Variants in HMGCLL1 observed in about 807,000 individuals in gnomAD.
HMGCLL1 encodes 3-hydroxymethyl-3-methylglutaryl-CoA lyase, cytoplasmic.
Under a neutral mutation model 39.1 loss-of-function variants are expected in HMGCLL1, and 36 were observed. That is an observed-to-expected ratio of 0.92 (90% CI 0.71 to 1.22). The LOEUF (loss-of-function observed/expected upper bound fraction) is 1.22, where lower values mean the gene tolerates loss of function less well. Among genes scored for constraint, HMGCLL1 ranks in the 50% most tolerant of loss-of-function variants. HMGCLL1 has a pLI of 0.00. For synonymous variants in HMGCLL1, 149 were observed against 144.0 expected (o/e 1.03, Z -0.25); for missense variants, 451 against 416.5 (o/e 1.08, Z -0.72).
chr6:55,597,839 A>G, the HMGCLL1 span, among the ~76,000 whole-genome samples: 1 of 152,218 alleles, frequency 6.6e-6, no homozygotes, highest in South Asian at 2.1e-4. Flanking sequence ...TTTTTTTGAT[A>G]GACTTATTAG....
At chr6:55,601,633 G>A in the HMGCLL1 span, among the ~76,000 whole-genome samples, 63 of 152,116 alleles carry the variant, frequency 4.1e-4, no homozygotes, top group Admixed American at 3.5e-3. Flanking sequence ...TACCACACAA[G>A]GATTCAAGCT....
the HMGCLL1 span, among the ~76,000 whole-genome samples, chr6:55,636,363 GA>G: frequency 4.6e-5 from 7 of 152,104 alleles, no homozygotes; most frequent in Admixed American, 4.6e-4. Flanking sequence ...AGGTTAATAT[GA>G]AAAATGAGTA....
chr6:55,486,175 A>G (rs1312479058), intron 7 of HMGCLL1, among the ~76,000 whole-genome samples: 2 of 150,622 alleles, frequency 1.3e-5, no homozygotes, highest in Non-Finnish European at 3.0e-5. Context: ...CTAATTTAAC[A>G]TGTTTCCTCT....
the HMGCLL1 span, among the ~76,000 whole-genome samples, chr6:55,655,474 T>C: frequency 6.6e-6 from 1 of 151,796 alleles, no homozygotes; most frequent in Non-Finnish European, 1.5e-5. Flanking sequence ...TATGTTGCAG[T>C]GTTTCTTTAC....
At chr6:55,664,290 T>A in the HMGCLL1 span, among the ~76,000 whole-genome samples, 1 of 151,752 alleles carries the variant, frequency 6.6e-6, no homozygotes, top group African/African-American at 2.4e-5. Context: ...TTTAAGTATG[T>A]TTCTGTATTG....
chr6:55,519,760 A>G (rs1302539496), intron 3 of HMGCLL1, among the ~76,000 whole-genome samples: 3 of 152,126 alleles, frequency 2.0e-5, no homozygotes, highest in Admixed American at 1.3e-4. Context: ...CATGATAACA[A>G]AAGTTAATAA....
chr6:55,510,653 AG>A (rs1299325205), intron 5 of HMGCLL1, among the ~76,000 whole-genome samples: 6 of 67,998 alleles, frequency 8.8e-5, no homozygotes, highest in Admixed American at 6.9e-4. Context: ...GGGTGGGGGG[AG>A]GGGGGAGGGA....
chr6:55,604,493 C>T, the HMGCLL1 span, among the ~76,000 whole-genome samples: 8,522 of 151,990 alleles, frequency 0.056, 413 homozygotes, highest in Non-Finnish European at 0.079. Context: ...ACATTTTAAA[C>T]GCTGCATTTA....
the HMGCLL1 span, among the ~76,000 whole-genome samples, chr6:55,596,451 G>C: frequency 6.6e-6 from 1 of 152,220 alleles, no homozygotes; most frequent in African/African-American, 2.4e-5. Context: ...AAAGCCTGCA[G>C]ACAGATGGTT....
chr6:55,485,243 C>A (rs1186089833), intron 7 of HMGCLL1, among the ~76,000 whole-genome samples: 2 of 152,082 alleles, frequency 1.3e-5, no homozygotes, highest in African/African-American at 4.8e-5. Flanking sequence ...TGCACTTTCT[C>A]TATTTTTTTG....
At chr6:55,602,877 A>T in the HMGCLL1 span, among the ~76,000 whole-genome samples, 1 of 152,112 alleles carries the variant, frequency 6.6e-6, no homozygotes, top group Non-Finnish European at 1.5e-5. Flanking sequence ...GTTTAAAGGC[A>T]TGTAATTTTT....
rs537841284 is a variant in HMGCLL1 at position 55,553,638 on chromosome 6, A to G, written c.109-11498T>C. Among the ~76,000 whole-genome samples the G allele has an allele frequency of 7.2e-5, 11 of 152,308 alleles. No individual in the cohort carries two copies. In the East Asian group the frequency reaches 1.9e-3, roughly 27 times the overall value. On this transcript the variant is annotated intron_variant, in intron 1 of 8. Transcript: ENST00000274901. Reference sequence around the variant, plus strand: ...TTTTAAGGATTAAATGAGAATGTGTATATAAAGCATTAGCACATTGATGAG... The same window carrying G: ...TTTTAAGGATTAAATGAGAATGTGTGTATAAAGCATTAGCACATTGATGAG...
intron 3 of HMGCLL1, among the ~76,000 whole-genome samples, chr6:55,538,003 T>A (rs1047591594): frequency 6.6e-6 from 1 of 151,666 alleles, no homozygotes. Context: ...GGGACTGCCT[T>A]TTTTTTTCCT....
intron 3 of HMGCLL1, among the ~76,000 whole-genome samples, chr6:55,539,801 G>C (rs1769240458): frequency 6.9e-6 from 1 of 145,854 alleles, no homozygotes; most frequent in Admixed American, 7.1e-5. Context: ...AAAATCCCGT[G>C]ACAGATGTTT....
chr6:55,469,022 G>A (rs918661625), intron 7 of HMGCLL1, among the ~76,000 whole-genome samples: 5 of 151,692 alleles, frequency 3.3e-5, no homozygotes, highest in African/African-American at 4.8e-5. Flanking sequence ...CTATTTGATC[G>A]TGCAGCATTT....
the HMGCLL1 span, among the ~76,000 whole-genome samples, chr6:55,664,681 A>G: frequency 6.6e-6 from 1 of 151,754 alleles, no homozygotes; most frequent in Non-Finnish European, 1.5e-5. Flanking sequence ...AATCTGGACA[A>G]GGCTTAGCTG....
chr6:55,523,877 T>G (rs534166616), intron 3 of HMGCLL1, among the ~76,000 whole-genome samples: 1 of 152,116 alleles, frequency 6.6e-6, no homozygotes, highest in Admixed American at 6.6e-5. Context: ...TGAATCTGTT[T>G]TCATCCATGT....
chr6:55,526,860 A>G (rs1018756071), intron 3 of HMGCLL1, among the ~76,000 whole-genome samples: 1 of 152,066 alleles, frequency 6.6e-6, no homozygotes, highest in Non-Finnish European at 1.5e-5. Flanking sequence ...TTATTGAAGT[A>G]GGAGCAGAGG....
the HMGCLL1 span, among the ~76,000 whole-genome samples, chr6:55,623,904 A>G: frequency 1.3e-5 from 2 of 151,982 alleles, no homozygotes; most frequent in Non-Finnish European, 2.9e-5. Flanking sequence ...GGAAATGACA[A>G]CAGGATGAGT....
Sources: allele counts gnomAD v4.1 joint callset (sites outside exome capture counted in the v4.1 genomes callset), GRCh38; gene constraint gnomAD v4.1.1; transcripts MANE v1.5; gene names NCBI Gene and HGNC (gene_info 2026-07-23, HGNC 2026-07-21).